The following ZFAND3 variants were observed in gnomAD, a reference collection of about 807,000 sequenced individuals.
ZFAND3 encodes the protein zinc finger AN1-type containing 3.
Under a neutral mutation model 29.6 loss-of-function variants are expected in ZFAND3, and 10 were observed. The observed-to-expected ratio is 0.34, with a 90% CI of 0.21 to 0.57. The LOEUF is 0.57. Among genes scored for constraint, ZFAND3 ranks in the 20% least tolerant of loss-of-function variants. The probability of loss-of-function intolerance (pLI) is 0.86; values close to 1 mark genes in which losing one functional copy is unlikely to be tolerated. For missense variants in ZFAND3, 230 were observed against 304.5 expected (o/e 0.76, Z 1.82); for synonymous variants, 128 against 112.6 (o/e 1.14, Z -0.87).
At chr6:38,022,469 A>G (rs1012364099) in intron 2 of ZFAND3, among the ~76,000 whole-genome samples, 1 of 152,224 alleles carries the variant, frequency 6.6e-6, no homozygotes, top group East Asian at 1.9e-4. Flanking sequence ...TGCAACAGAA[A>G]TAAGTCAGCT....
chr6:37,845,604 T>TG (rs1235917645), intron 1 of ZFAND3, among the ~76,000 whole-genome samples: 5 of 152,252 alleles, frequency 3.3e-5, no homozygotes, highest in African/African-American at 1.2e-4. Flanking sequence ...TGTGGTAACT[T>TG]GCAGCATTTA....
chr6:37,864,738 TACACAC>T (rs70977698), intron 1 of ZFAND3, among the ~76,000 whole-genome samples: 23,176 of 148,608 alleles, frequency 0.16, 2,901 homozygotes, highest in East Asian at 0.36. Flanking sequence ...TATGTGGTTA[TACACAC>T]ACACACACAC....
chr6:37,979,973 A>T (rs1458008543), intron 2 of ZFAND3, among the ~76,000 whole-genome samples: 1 of 152,224 alleles, frequency 6.6e-6, no homozygotes. Flanking sequence ...TAATCAGATC[A>T]TTAAACCAAG....
chr6:38,111,318 G>GCC (rs1008088453), intron 4 of ZFAND3, among the ~76,000 whole-genome samples: 7 of 152,144 alleles, frequency 4.6e-5, no homozygotes, highest in African/African-American at 9.7e-5. Flanking sequence ...GTGTCGTACT[G>GCC]AACATGTAGT....
At chr6:37,886,045 C>T (rs770662661) in intron 1 of ZFAND3, among the ~76,000 whole-genome samples, 10 of 151,808 alleles carry the variant, frequency 6.6e-5, no homozygotes, top group Non-Finnish European at 1.3e-4. Context: ...CGAGACCAGC[C>T]TGGCCAAAAT....
chr6:37,980,675 A>G (rs1762564021), intron 2 of ZFAND3, among the ~76,000 whole-genome samples: 1 of 152,212 alleles, frequency 6.6e-6, no homozygotes, highest in South Asian at 2.1e-4. Flanking sequence ...CTTTTCAGAT[A>G]TGCCCTGCCC....
chr6:38,154,573 C>T lies in ZFAND3; in HGVS notation c.*2184C>T. The stretch of plus-strand genomic sequence containing the variant: ...TGAAAATATTAAAAGAATCTTGTAA[C>T]TTTATTCTTTTTTCTCCTGCTGAAA... On this transcript the variant is annotated 3_prime_UTR_variant, in exon 6 of 6. Transcript: ENST00000287218. 1 of 972,776 alleles carries T rather than the reference C, an allele frequency of 1.0e-6. No homozygotes were observed. The highest frequency in any genetic ancestry group is 1.2e-6 in the Non-Finnish European group (1 of 818,104). 60.3% of individuals were successfully genotyped at this position (972,776 alleles called of 1,614,324 possible). A position where few individuals can be genotyped will look rare whatever the true frequency, so the allele number is the denominator to read the frequency against.
intron 5 of ZFAND3, among the ~76,000 whole-genome samples, chr6:38,135,198 C>G (rs564867910): frequency 6.6e-6 from 1 of 152,270 alleles, no homozygotes; most frequent in South Asian, 2.1e-4. Flanking sequence ...AGGTGACACT[C>G]TTAACTGTTG....
At chr6:37,920,502 TAA>T (rs1761357920) in intron 1 of ZFAND3, among the ~76,000 whole-genome samples, 1 of 152,186 alleles carries the variant, frequency 6.6e-6, no homozygotes, top group African/African-American at 2.4e-5. Flanking sequence ...CTATACACTA[TAA>T]CTTTTAGTGC....
chr6:37,994,256 C>T (rs115058355), intron 2 of ZFAND3, among the ~76,000 whole-genome samples: 3,940 of 152,166 alleles, frequency 0.026, 91 homozygotes, highest in Non-Finnish European at 0.034. Flanking sequence ...CAGCTTATTT[C>T]GCCTCCATAG....
At chr6:38,055,127 T>TA (rs1764109077) in intron 2 of ZFAND3, among the ~76,000 whole-genome samples, 1 of 152,180 alleles carries the variant, frequency 6.6e-6, no homozygotes, top group Non-Finnish European at 1.5e-5. Context: ...ACTCTTGAGA[T>TA]ATGGGAAATG....
At chr6:38,103,402 T>TAC (rs139554326) in intron 4 of ZFAND3, among the ~76,000 whole-genome samples, 14,116 of 147,570 alleles carry the variant, frequency 0.096, 899 homozygotes, top group African/African-American at 0.14. Context: ...CACATATATA[T>TAC]ACACACACAC....
chr6:37,851,412 T>C (rs1365567168), intron 1 of ZFAND3, among the ~76,000 whole-genome samples: 1 of 152,140 alleles, frequency 6.6e-6, no homozygotes, highest in Admixed American at 6.5e-5. Flanking sequence ...AAAGGATAAG[T>C]TCTTACTCTT....
chr6:37,871,837 T>C (rs1268398968), intron 1 of ZFAND3, among the ~76,000 whole-genome samples: 1 of 152,222 alleles, frequency 6.6e-6, no homozygotes, highest in African/African-American at 2.4e-5. Context: ...TTCTGTTGTA[T>C]ACCTCCAAAT....
chr6:38,015,854 T>C (rs919985561), intron 2 of ZFAND3, among the ~76,000 whole-genome samples: 2 of 152,356 alleles, frequency 1.3e-5, no homozygotes, highest in South Asian at 4.1e-4. Context: ...GATTTTCAAC[T>C]TGACCTGTGG....
intron 1 of ZFAND3, among the ~76,000 whole-genome samples, chr6:37,896,606 CTCTTTCTTTCTTT>C (rs1303778727): frequency 3.1e-5 from 4 of 127,566 alleles, no homozygotes; most frequent in East Asian, 2.2e-4. Context: ...CTTTCTCTCT[CTCTTTCTTTCTTT>C]TCTTTCTTTC....
chr6:37,896,953 GT>G (rs1481021911), intron 1 of ZFAND3, among the ~76,000 whole-genome samples: 1 of 151,650 alleles, frequency 6.6e-6, no homozygotes, highest in East Asian at 1.9e-4. Context: ...TTTGGTTTTG[GT>G]AAGTTTTTTT....
At chr6:37,949,560 C>T (rs939620800) in intron 2 of ZFAND3, among the ~76,000 whole-genome samples, 2 of 152,184 alleles carry the variant, frequency 1.3e-5, no homozygotes, top group Admixed American at 1.3e-4. Context: ...CCTTTCCCCA[C>T]CAGTTGCAAG....
At position 37,857,590 on chromosome 6, in the gene ZFAND3, CAT is replaced by C. The variant is rs1362500210; in HGVS notation, c.71+37577_71+37578del. Among the ~76,000 whole-genome samples, 3 of 152,124 alleles carry C rather than the reference CAT, an allele frequency of 2.0e-5. 1 individual carries two copies. Among genetic ancestry groups the C allele is most frequent in the Admixed American group, 1.3e-4 (2 of 15,274 alleles). ...TGTGTGATTTATGGAACAAACTAAA[CAT>C]ATGGAGGGTTTGTAGAGTAAAGGAG... is the stretch of plus-strand genomic sequence containing the variant. On this transcript the variant is annotated intron_variant, in intron 1 of 5. Transcript: ENST00000287218.
Sources: allele counts gnomAD v4.1 joint callset (sites outside exome capture counted in the v4.1 genomes callset), GRCh38; gene constraint gnomAD v4.1.1; transcripts MANE v1.5; gene names NCBI Gene and HGNC (gene_info 2026-07-23, HGNC 2026-07-21).